The following ABLIM2 variants were observed in gnomAD, a reference collection of about 807,000 sequenced individuals.
The protein encoded by ABLIM2 is actin binding LIM protein family member 2.
Under a neutral mutation model 97.7 loss-of-function variants are expected in ABLIM2, and 53 were observed. The ratio of observed to expected loss-of-function variants is 0.54; its 90% CI spans 0.44 to 0.68. The LOEUF (loss-of-function observed/expected upper bound fraction) is 0.68. Among genes scored for constraint, ABLIM2 ranks in the 30% least tolerant of loss-of-function variants. The pLI is 0.00. For synonymous variants in ABLIM2, 361 were observed against 345.8 expected, an observed-to-expected ratio of 1.04 and a Z score of -0.49; for missense variants, 835 against 867.2, an observed-to-expected ratio of 0.96 and a Z score of 0.47.
intron 12 of ABLIM2, among the ~76,000 whole-genome samples, chr4:8,024,621 T>C (rs1776167873): frequency 6.6e-6 from 1 of 152,018 alleles, no homozygotes; most frequent in Non-Finnish European, 1.5e-5. Flanking sequence ...CTGGAGCCCA[T>C]GGCTGCAGAG....
rs371181964 is a variant in ABLIM2 at position 8,054,228 on chromosome 4, G to A, written c.782C>T (p.Pro261Leu). 2.7e-5 allele frequency: 44 copies of A among 1,613,902 alleles called. No homozygotes were observed. Among genetic ancestry groups the A allele is most frequent in the African/African-American group, 9.3e-5 (7 of 74,920 alleles). ...MYLQGSSIWH[P>L]ACRQAARTED... is the part of the protein sequence containing the mutation. ...AGTTCTGGCTGCTTGTCGACACGCC[G>A]GATGCCAGATGGAGGAACCTGTTGA... The change falls in exon 8 of 21, where the codon CCG becomes CTG. Residue 261 changes from proline (P) to leucine (L), a missense_variant. By Grantham distance (98) the Pro-to-Leu change is moderately conservative. Coordinates refer to ENST00000447017, the MANE Select transcript of ABLIM2 (RefSeq NM_001130083.2). The surrounding 1 kb of genome is among the most constrained non-coding windows in gnomAD (Gnocchi z 4.9).
chr4:8,152,328 A>G (rs1713224736), intron 1 of ABLIM2, among the ~76,000 whole-genome samples: 1 of 152,032 alleles, frequency 6.6e-6, no homozygotes, highest in African/African-American at 2.4e-5. Flanking sequence ...CCATTTACAA[A>G]TCACGTGACA....
Position 7,996,178 on chromosome 4 carries a change from C to A in ABLIM2, c.1619-3251G>T, listed in dbSNP as rs752221759. Among the ~76,000 whole-genome samples, 9 of 152,204 alleles carry A rather than the reference C, an allele frequency of 5.9e-5. No individual in the cohort carries two copies. The highest frequency in any genetic ancestry group is 5.9e-4 in the Admixed American group (9 of 15,286). On this transcript the variant is annotated intron_variant, in intron 16 of 20. Transcript: ENST00000447017. The surrounding 1 kb of genome is among the most constrained non-coding windows in gnomAD (Gnocchi z 4.5). ...GCAGCCCCAACCTTGCCAGGGAACT[C>A]GTCAGAAATGCAAATTAGTGGGCCC...
At chr4:8,000,677 G>A (rs1431382746) in intron 16 of ABLIM2, among the ~76,000 whole-genome samples, 1 of 152,132 alleles carries the variant, frequency 6.6e-6, no homozygotes, top group Non-Finnish European at 1.5e-5. Context: ...TGGGTCCCAG[G>A]AAAGAAGGCT....
chr4:8,062,945 G>T (rs966181132), intron 6 of ABLIM2, among the ~76,000 whole-genome samples: 4 of 152,194 alleles, frequency 2.6e-5, no homozygotes, highest in African/African-American at 9.6e-5. Context: ...TCCTCTAACA[G>T]CAGGAGTTCT....
chr4:8,074,085 C>A (rs1814249618), intron 6 of ABLIM2, among the ~76,000 whole-genome samples: 1 of 90,094 alleles, frequency 1.1e-5, no homozygotes, highest in African/African-American at 4.9e-5. Context: ...AAAACTCTGT[C>A]TCACAAAAAA....
At chr4:8,144,886 G>A (rs1851541382) in intron 1 of ABLIM2, among the ~76,000 whole-genome samples, 1 of 152,252 alleles carries the variant, frequency 6.6e-6, no homozygotes, top group Non-Finnish European at 1.5e-5. Flanking sequence ...ATCAGGCGCA[G>A]AACTCTTTGT....
chr4:8,116,423 T>A (rs1365702583), intron 1 of ABLIM2, among the ~76,000 whole-genome samples: 2 of 152,178 alleles, frequency 1.3e-5, no homozygotes. Context: ...CCACTTCTGC[T>A]ATCGCACACA....
chr4:7,966,824 T>A lies in ABLIM2; in HGVS notation c.*166A>T. The A allele has an allele frequency of 1.7e-6, 1 of 574,818 alleles. No homozygotes were observed. The allele number at this position is 574,818 out of a possible 1,614,324, so 35.6% of individuals were successfully genotyped here. A position where few individuals can be genotyped will look rare whatever the true frequency, so the allele number is the denominator to read the frequency against. Reference sequence around the variant, plus strand: ...CTCGGCCCTAAACTACCGGCAGGAGTGTCGCCGGCAGGTGCAGGGGCCGCA... The same window carrying A: ...CTCGGCCCTAAACTACCGGCAGGAGAGTCGCCGGCAGGTGCAGGGGCCGCA... On this transcript the variant is annotated 3_prime_UTR_variant, in exon 21 of 21. Transcript: ENST00000447017.
intron 10 of ABLIM2, among the ~76,000 whole-genome samples, chr4:8,034,164 G>A (rs193130992): frequency 5.9e-5 from 9 of 152,302 alleles, no homozygotes; most frequent in Admixed American, 2.6e-4. Flanking sequence ...GAGTCCTCAC[G>A]GACTCTCTTC....
chr4:7,995,903 G>C (rs1175496610), intron 16 of ABLIM2, among the ~76,000 whole-genome samples: 1 of 152,146 alleles, frequency 6.6e-6, no homozygotes, highest in Non-Finnish European at 1.5e-5. Flanking sequence ...TCATGTCACA[G>C]AAGGAGAGTC....
At position 8,021,016 on chromosome 4, in the gene ABLIM2, C is replaced by G. The variant is rs905632064; in HGVS notation, c.1268-713G>C. 1.3e-5 allele frequency among the ~76,000 whole-genome samples: 2 copies of G among 151,902 alleles called. No homozygotes were observed. The highest frequency in any genetic ancestry group is 4.8e-5 in the African/African-American group (2 of 41,342). On this transcript the variant is annotated intron_variant, in intron 12 of 20. Transcript: ENST00000447017. This position sits in a 1 kb window ranked among gnomAD's most constrained non-coding sequence, Gnocchi z 5.5. ...GGACCACAGGTGTGCACTACCACGC[C>G]TGGCTAATTTTTTTAATTTTGTAAA...
In ABLIM2 at chr4:8,038,947, G is replaced by C. The variant is rs1786308458; in HGVS notation, c.901-2652C>G. Reference sequence around the variant, plus strand: ...TTTGCACCTGCTGTTCCCTCTCTGGGATGTGCCCCTCCCACACCTCTTCCC... The same window carrying C: ...TTTGCACCTGCTGTTCCCTCTCTGGCATGTGCCCCTCCCACACCTCTTCCC... On this transcript the variant is annotated intron_variant, in intron 9 of 20. Transcript: ENST00000447017. 2.6e-5 allele frequency among the ~76,000 whole-genome samples: 4 copies of C among 152,124 alleles called. 1 individual carries two copies. In the South Asian group the frequency reaches 8.3e-4, roughly 32 times the overall value.
intron 8 of ABLIM2, among the ~76,000 whole-genome samples, chr4:8,052,592 G>C (rs920826128): frequency 1.4e-4 from 21 of 152,254 alleles, no homozygotes; most frequent in East Asian, 7.7e-4. Flanking sequence ...GAGCTGCTAG[G>C]AGAGCATCAG....
chr4:8,102,707 AC>A (rs2152720646), intron 2 of ABLIM2, among the ~76,000 whole-genome samples: 1 of 152,340 alleles, frequency 6.6e-6, no homozygotes, highest in South Asian at 2.1e-4. Flanking sequence ...AAACTGAGGC[AC>A]AAGTAAGTGC....
Position 7,996,772 on chromosome 4 carries a change from T to G in ABLIM2, c.1619-3845A>C, listed in dbSNP as rs982849922. ...GATATCTCACTGAACACAGGATTCATGCGGACAGTTCTGCTCTTTCAGCAC... is the reference window on the plus strand; with the variant it reads ...GATATCTCACTGAACACAGGATTCAGGCGGACAGTTCTGCTCTTTCAGCAC... On this transcript the variant is annotated intron_variant, in intron 16 of 20. Transcript: ENST00000447017. This position sits in a 1 kb window ranked among gnomAD's most constrained non-coding sequence, Gnocchi z 4.5. Among the ~76,000 whole-genome samples, 1 of 152,242 alleles carries G rather than the reference T, an allele frequency of 6.6e-6. No individual in the cohort carries two copies. Among genetic ancestry groups the G allele is most frequent in the Non-Finnish European group, 1.5e-5 (1 of 68,040 alleles).
intron 12 of ABLIM2, chr4:8,020,846 CT>C (rs34799650): frequency 0.16 from 14,950 of 95,030 alleles, 454 homozygotes; most frequent in Non-Finnish European, 0.22. Flanking sequence ...TTACCACATT[CT>C]TTTTTTTTTT....
At chr4:8,041,577 G>C (rs1323490751) in intron 9 of ABLIM2, 1 of 150,182 alleles carries the variant, frequency 6.7e-6, no homozygotes, top group East Asian at 1.9e-4. Flanking sequence ...ACCATCCCAC[G>C]CTCCTTGCAA....
chr4:8,036,574 G>A (rs911733835), intron 9 of ABLIM2, among the ~76,000 whole-genome samples: 1 of 152,178 alleles, frequency 6.6e-6, no homozygotes. Context: ...ATGGGGACGG[G>A]GTCAAAAGCA....
Sources: allele counts gnomAD v4.1 joint callset (sites outside exome capture counted in the v4.1 genomes callset), GRCh38; gene constraint gnomAD v4.1.1; non-coding constraint Gnocchi (gnomAD v3.1); transcripts MANE v1.5; gene names NCBI Gene and HGNC (gene_info 2026-07-23, HGNC 2026-07-21).